Variants in SUCO observed in about 807,000 individuals in gnomAD.
SUCO encodes SUN domain-containing ossification factor.
A neutral mutation model predicts 148.1 loss-of-function variants in SUCO; 57 were observed. The observed-to-expected ratio is 0.38, with a 90% CI of 0.31 to 0.48. The LOEUF is 0.48. SUCO is among the 20% of genes least tolerant of loss of function. SUCO has a pLI of 0.96. For synonymous variants in SUCO, 470 were observed against 502.7 expected (o/e 0.93, Z 0.87); for missense variants, 1,331 against 1,468.2 (o/e 0.91, Z 1.53).
At chr1:172,600,384 C>A (rs1172021256) in intron 20 of SUCO, among the ~76,000 whole-genome samples, 2 of 152,064 alleles carry the variant, frequency 1.3e-5, no homozygotes, top group African/African-American at 4.8e-5. Flanking sequence ...TTAGGCCATA[C>A]CTATAATATA....
At chr1:172,581,055 G>A (rs1009786880) in intron 15 of SUCO, among the ~76,000 whole-genome samples, 2 of 152,112 alleles carry the variant, frequency 1.3e-5, no homozygotes, top group Non-Finnish European at 2.9e-5. Flanking sequence ...AGTTGAGATC[G>A]CACCACTGCA....
rs958211411 is a variant in SUCO at position 172,536,278 on chromosome 1, A to G, written c.62+2781A>G. 5.3e-5 allele frequency among the ~76,000 whole-genome samples: 8 copies of G among 152,292 alleles called. 1 individual carries two copies. The East Asian group carries it at 1.5e-3, about 29-fold the overall frequency. ...AGTACTTTATAGGTCAGAGGCCTGT[A>G]TTTTATATATGTGGCTCCATCATTT... On this transcript the variant is annotated intron_variant, in intron 1 of 23. Transcript: ENST00000263688.
chr1:172,573,621 G>A (rs1278282516), intron 9 of SUCO, among the ~76,000 whole-genome samples: 2 of 151,960 alleles, frequency 1.3e-5, no homozygotes, highest in African/African-American at 2.4e-5. Context: ...CTCCAAGAAT[G>A]AGTGTTATCT....
At chr1:172,579,589 T>G (rs1571247784) in intron 15 of SUCO, among the ~76,000 whole-genome samples, 5 of 152,194 alleles carry the variant, frequency 3.3e-5, no homozygotes, top group Admixed American at 3.3e-4. Context: ...CATACCACAG[T>G]TAATCTATGG....
chr1:172,571,634 C>T (rs1655000518), intron 9 of SUCO, among the ~76,000 whole-genome samples: 1 of 136,468 alleles, frequency 7.3e-6, no homozygotes, highest in Non-Finnish European at 1.6e-5. Context: ...TCCCTGCCGC[C>T]ATCCCATCTA....
Position 172,556,946 on chromosome 1 carries a change from A to G in SUCO, c.444-334A>G, listed in dbSNP as rs1031942966. 4.0e-5 allele frequency: 39 copies of G among 981,270 alleles called. No individual in the cohort carries two copies. The African/African-American group carries it at 5.6e-4, about 14-fold the overall frequency. The allele number at this position is 981,270 out of a possible 1,614,324, so 60.8% of individuals were successfully genotyped here. A position where few individuals can be genotyped will look rare whatever the true frequency, so the allele number is the denominator to read the frequency against. ...TAAAATTTTAGTGAAATGTCTTGAGATAATGACTTTTGAAGGATGCCATAA... is the reference window on the plus strand; with the variant it reads ...TAAAATTTTAGTGAAATGTCTTGAGGTAATGACTTTTGAAGGATGCCATAA... On this transcript the variant is annotated intron_variant, in intron 4 of 23. Transcript: ENST00000263688.
intron 1 of SUCO, among the ~76,000 whole-genome samples, chr1:172,543,826 A>G (rs1306662947): frequency 6.6e-6 from 1 of 152,074 alleles, no homozygotes; most frequent in African/African-American, 2.4e-5. Flanking sequence ...GAGGCCCAGT[A>G]TGCTCTTACC....
intron 1 of SUCO, among the ~76,000 whole-genome samples, chr1:172,535,480 A>G (rs868389257): frequency 6.6e-6 from 1 of 152,186 alleles, no homozygotes; most frequent in Non-Finnish European, 1.5e-5. Context: ...GGCAAAGGGT[A>G]TGTTTTTTCT....
At chr1:172,546,091 A>G (rs932280835) in intron 1 of SUCO, among the ~76,000 whole-genome samples, 1 of 152,048 alleles carries the variant, frequency 6.6e-6, no homozygotes, top group African/African-American at 2.4e-5. Flanking sequence ...GTGCGCCACC[A>G]TGCCTGGCTA....
intron 6 of SUCO, among the ~76,000 whole-genome samples, chr1:172,562,491 C>T (rs1018831763): frequency 1.3e-5 from 2 of 152,062 alleles, no homozygotes; most frequent in African/African-American, 4.8e-5. Flanking sequence ...ACCACCATGC[C>T]CATCTAATTT....
chr1:172,608,089 A>G (rs1239600601), intron 22 of SUCO: 1 of 984,796 alleles, frequency 1.0e-6, no homozygotes, highest in East Asian at 1.1e-4. Context: ...GCTTAGAGTA[A>G]TGAAACCTTA....
chr1:172,550,257 C>T (rs1653189675), intron 1 of SUCO, among the ~76,000 whole-genome samples: 1 of 151,844 alleles, frequency 6.6e-6, no homozygotes, highest in African/African-American at 2.4e-5. Context: ...CAAACTACCC[C>T]TATATATTAT....
In SUCO at chr1:172,570,056, T is replaced by C; in HGVS notation, c.866T>C (p.Met289Thr). 1 of 1,556,046 alleles carries C rather than the reference T, an allele frequency of 6.4e-7. No individual in the cohort carries two copies. ...AACGGTTTGTCTGCAGGTCAGTCGA[T>C]GCATGCATCTTCTAATGGAGGTTCA... ...MEVEKEKSQS[M>T]HASSNGGSHA... The change falls in exon 8 of 24, where the codon ATG becomes ACG. Residue 289 changes from methionine (M) to threonine (T), a missense_variant. Around this residue, in one of 3 missense-constraint regions of SUCO, gnomAD observed 992 missense variants for 1,093.5 expected, o/e 0.91. Transcript: ENST00000263688.
At chr1:172,559,961 T>C (rs1044097620) in intron 6 of SUCO, among the ~76,000 whole-genome samples, 3 of 151,922 alleles carry the variant, frequency 2.0e-5, no homozygotes, top group Non-Finnish European at 4.4e-5. Flanking sequence ...CCTCAGAGAT[T>C]AGATACTCCT....
intron 1 of SUCO, among the ~76,000 whole-genome samples, chr1:172,537,795 G>A (rs899209421): frequency 6.6e-6 from 1 of 152,150 alleles, no homozygotes; most frequent in Non-Finnish European, 1.5e-5. Flanking sequence ...AATATAACAG[G>A]TACTTACAAA....
Position 172,610,297 on chromosome 1 carries a change from G to T in SUCO, c.*38G>T. ...TTTTCATACAGAAGACTTTTTTGTT[G>T]TTGTTCTTTGAAGAACAGTCTGTAG... On this transcript the variant is annotated 3_prime_UTR_variant, in exon 24 of 24. Coordinates refer to ENST00000263688, the MANE Select transcript of SUCO (RefSeq NM_014283.5). 1 of 1,533,688 alleles carries T rather than the reference G, an allele frequency of 6.5e-7. No homozygotes were observed. Among genetic ancestry groups the T allele is most frequent in the Non-Finnish European group, 8.7e-7 (1 of 1,145,354 alleles).
intron 15 of SUCO, among the ~76,000 whole-genome samples, chr1:172,580,997 A>AG (rs66952146): frequency 1 from 152,258 of 152,258 alleles, 76,129 homozygotes; most frequent in Non-Finnish European, 1. Flanking sequence ...GCTACTCCAG[A>AG]GCTGACGCAG....
intron 1 of SUCO, chr1:172,541,818 T>C: frequency 6.1e-6 from 6 of 979,086 alleles, no homozygotes; most frequent in Non-Finnish European, 7.3e-6. Context: ...ACACTGTCAC[T>C]GAGAGTACAT....
chr1:172,563,033 T>C (rs1162628503), intron 6 of SUCO, among the ~76,000 whole-genome samples: 1 of 152,218 alleles, frequency 6.6e-6, no homozygotes, highest in Non-Finnish European at 1.5e-5. Flanking sequence ...TCTGCTGTGA[T>C]TGTAAGTTTC....
Sources: gnomAD v4.1 joint callset for allele counts (sites outside exome capture counted in the v4.1 genomes callset) on GRCh38, gnomAD v4.1.1 for gene constraint, gnomAD v4.1.1 regional missense constraint, MANE v1.5 for transcripts, NCBI Gene and HGNC (gene_info 2026-07-23, HGNC 2026-07-21) for gene names.